Variants in SLCO1A2 observed in about 807,000 individuals in gnomAD.
SLCO1A2 encodes the protein OATP-1.
A neutral mutation model predicts 69.0 loss-of-function variants in SLCO1A2; 67 were observed. The ratio of observed to expected loss-of-function variants is 0.97; its 90% CI spans 0.80 to 1.19. The LOEUF (loss-of-function observed/expected upper bound fraction) is 1.19, where lower values mean the gene tolerates loss of function less well. Among genes scored for constraint, SLCO1A2 ranks in the 50% most tolerant of loss-of-function variants. The pLI is 0.00. For missense variants in SLCO1A2, 787 were observed against 793.7 expected, an observed-to-expected ratio of 0.99 and a Z score of 0.10; for synonymous variants, 260 against 265.9, an observed-to-expected ratio of 0.98 and a Z score of 0.22.
intron 1 of SLCO1A2, among the ~76,000 whole-genome samples, chr12:21,385,016 C>T (rs1338538408): frequency 2.0e-5 from 3 of 152,050 alleles, no homozygotes; most frequent in Admixed American, 6.6e-5. Flanking sequence ...CCGTCCGTCT[C>T]GGCCTCCCAA....
intron 1 of SLCO1A2, among the ~76,000 whole-genome samples, chr12:21,412,667 A>G (rs1591923056): frequency 6.6e-6 from 1 of 152,142 alleles, no homozygotes; most frequent in South Asian, 2.1e-4. Flanking sequence ...ACAATGCTCC[A>G]CTGGAAACTA....
At chr12:21,345,408 A>G (rs1182369190) in intron 2 of SLCO1A2, among the ~76,000 whole-genome samples, 1 of 152,072 alleles carries the variant, frequency 6.6e-6, no homozygotes, top group Non-Finnish European at 1.5e-5. Context: ...AACCAGAGAA[A>G]GAGTGATGGG....
chr12:21,378,287 G>A (rs773900669), intron 1 of SLCO1A2: 33 of 1,614,010 alleles, frequency 2.0e-5, no homozygotes, highest in Middle Eastern at 3.3e-4. Flanking sequence ...GCAACGCAGC[G>A]CCTGGCAAAT....
At chr12:21,360,792 G>C (rs1298504023) in intron 2 of SLCO1A2, among the ~76,000 whole-genome samples, 2 of 152,230 alleles carry the variant, frequency 1.3e-5, no homozygotes, top group Non-Finnish European at 2.9e-5. Context: ...CTCACTGCTA[G>C]CACAGCAGTC....
At chr12:21,288,754 G>A (rs1321871619) in intron 12 of SLCO1A2, among the ~76,000 whole-genome samples, 1 of 151,826 alleles carries the variant, frequency 6.6e-6, no homozygotes, top group Non-Finnish European at 1.5e-5. Flanking sequence ...CTGCATGCCT[G>A]TATCAGAATA....
intron 12 of SLCO1A2, among the ~76,000 whole-genome samples, chr12:21,282,498 A>G (rs1944981232): frequency 6.6e-6 from 1 of 152,148 alleles, no homozygotes; most frequent in Non-Finnish European, 1.5e-5. Flanking sequence ...GAGTGGGGAA[A>G]AACTGAAAGC....
chr12:21,275,391 C>T lies in SLCO1A2; in HGVS notation c.1644G>A (p.Val548=), dbSNP rs1164966902. 3 of 1,548,830 alleles carry T rather than the reference C, an allele frequency of 1.9e-6. No individual in the cohort carries two copies. Among genetic ancestry groups the T allele is most frequent in the Non-Finnish European group, 2.6e-6 (3 of 1,139,160 alleles). ...CMKSEEKSLG[V]GLHTFCTRVF... ...CTCTTGTGCAAAATGTATGTAATCC[C>T]ACACCAAGGGACTTCTCTTCAGATT... Residue 548 remains valine, a synonymous_variant, in exon 13 of 15, where the codon GTG becomes GTA. Coordinates refer to ENST00000683939, the MANE Select transcript of SLCO1A2 (RefSeq NM_001386879.1).
At position 21,414,708 on chromosome 12, in the gene SLCO1A2, G is replaced by T. The variant is rs866853913; in HGVS notation, c.-312+3174C>A. Among the ~76,000 whole-genome samples the T allele has an allele frequency of 2.6e-5, 4 of 151,942 alleles. No homozygotes were observed. In the South Asian group the frequency reaches 8.3e-4, roughly 31 times the overall value. ...GCATGTATTGTTTAGATATTTTAGT[G>T]TTTAGATATTTTCAATATTTCCAAA... On this transcript the variant is annotated intron_variant, in intron 1 of 4. Transcript: ENST00000413682.
At chr12:21,282,736 G>A (rs750214852) in intron 12 of SLCO1A2, among the ~76,000 whole-genome samples, 1 of 152,012 alleles carries the variant, frequency 6.6e-6, no homozygotes, top group Non-Finnish European at 1.5e-5. Context: ...AACAAATTCA[G>A]TAAAGTTGCA....
upstream of SLCO1A2, among the ~76,000 whole-genome samples, chr12:21,418,296 A>G (rs1186671567): frequency 6.6e-6 from 1 of 152,186 alleles, no homozygotes; most frequent in Non-Finnish European, 1.5e-5. Context: ...CAGCTCCAAC[A>G]CAATGGAAAG....
intron 4 of SLCO1A2, 93 bp downstream of exon 4, chr12:21,314,456 T>C: frequency 7.4e-7 from 1 of 1,351,736 alleles, no homozygotes; most frequent in Non-Finnish European, 1.0e-6. Flanking sequence ...TGCCCTATGC[T>C]GTTGGAAAGC....
At position 21,266,842 on chromosome 12, in the gene SLCO1A2, T is replaced by C. The variant is rs1402906482; in HGVS notation, c.*2706A>G. On this transcript the variant is annotated 3_prime_UTR_variant, in exon 15 of 15. Coordinates refer to ENST00000683939, the MANE Select transcript of SLCO1A2 (RefSeq NM_001386879.1). The stretch of plus-strand genomic sequence containing the variant: ...CATAGGTGGATTCACAAAGAAACTG[T>C]GTAAGCATCTGTAAATATAGGTTAA... The C allele has an allele frequency of 6.6e-6, 1 of 152,116 alleles. No homozygotes were observed. The highest frequency in any genetic ancestry group is 2.4e-5 in the African/African-American group (1 of 41,414). 9.4% of individuals were successfully genotyped at this position (152,116 alleles called of 1,614,324 possible).
chr12:21,351,545 G>A (rs1233067848), intron 2 of SLCO1A2, among the ~76,000 whole-genome samples: 3 of 152,096 alleles, frequency 2.0e-5, no homozygotes, highest in African/African-American at 7.2e-5. Flanking sequence ...GGAGGCCAAG[G>A]CGGGTGGATC....
chr12:21,398,963 A>G (rs1195087851), upstream of SLCO1A2, among the ~76,000 whole-genome samples: 1 of 150,690 alleles, frequency 6.6e-6, no homozygotes, highest in Non-Finnish European at 1.5e-5. Flanking sequence ...GAAAACTGGC[A>G]CAAGACAGGG....
chr12:21,354,673 A>C (rs561921045), intron 2 of SLCO1A2, among the ~76,000 whole-genome samples: 17 of 152,234 alleles, frequency 1.1e-4, no homozygotes, highest in Non-Finnish European at 2.2e-4. Context: ...GGTCGTAGGG[A>C]AACTTTTACT....
chr12:21,294,134 A>T (rs1368765061), intron 10 of SLCO1A2, 24 bp from the exon 11 acceptor site: 2 of 1,516,930 alleles, frequency 1.3e-6, no homozygotes, highest in Non-Finnish European at 1.8e-6. Context: ...AAATAATGCC[A>T]TAGATATTAA....
At chr12:21,383,902 A>T (rs1245270753) in intron 1 of SLCO1A2, among the ~76,000 whole-genome samples, 1 of 152,332 alleles carries the variant, frequency 6.6e-6, no homozygotes, top group East Asian at 1.9e-4. Context: ...CACAATACAT[A>T]TTGGTTGAAT....
chr12:21,367,913 A>G (rs1468353838), intron 2 of SLCO1A2, among the ~76,000 whole-genome samples: 2 of 152,204 alleles, frequency 1.3e-5, no homozygotes, highest in Admixed American at 6.5e-5. Context: ...CAAGGTAATC[A>G]AATAGTTAAC....
At chr12:21,401,447 T>C (rs1941701536) in intron 1 of SLCO1A2, among the ~76,000 whole-genome samples, 1 of 151,816 alleles carries the variant, frequency 6.6e-6, no homozygotes, top group Non-Finnish European at 1.5e-5. Flanking sequence ...TTGAAGGTCA[T>C]CTTGCATGAA....
Sources: allele counts gnomAD v4.1 joint callset (sites outside exome capture counted in the v4.1 genomes callset), GRCh38; gene constraint gnomAD v4.1.1; transcripts MANE v1.5; gene names NCBI Gene and HGNC (gene_info 2026-07-23, HGNC 2026-07-21).